The following ZC3H4 variants were observed in gnomAD, a reference collection of about 807,000 sequenced individuals.
ZC3H4 encodes zinc finger CCCH-type containing 4.
In ZC3H4, 13 loss-of-function variants were observed where a neutral mutation model predicts 108.3. The observed-to-expected ratio is 0.12, with a 90% CI of 0.08 to 0.19. ZC3H4 has a LOEUF of 0.19. ZC3H4 is among the 10% of genes least tolerant of loss of function. The pLI, the probability that ZC3H4 is intolerant of heterozygous loss-of-function variation, is 1.00. For synonymous variants in ZC3H4, 917 were observed against 749.6 expected, an observed-to-expected ratio of 1.22 and a Z score of -3.65; for missense variants, 1,734 against 1,838.8, an observed-to-expected ratio of 0.94 and a Z score of 1.04.
intron 2 of ZC3H4, among the ~76,000 whole-genome samples, chr19:47,105,366 CAAG>C (rs1473656378): frequency 6.6e-6 from 1 of 152,148 alleles, no homozygotes; most frequent in Non-Finnish European, 1.5e-5. Context: ...TTTGGGAGGC[CAAG>C]GAGGGTGGAT....
chr19:47,091,515 G>A lies in ZC3H4; in HGVS notation c.493-1326C>T, dbSNP rs113406940. Among the ~76,000 whole-genome samples, 1,422 of 151,668 alleles carry A rather than the reference G, an allele frequency of 9.4e-3. 18 individuals carry two copies. The highest frequency in any genetic ancestry group is 0.033 in the African/African-American group (1,355 of 41,304). The stretch of plus-strand genomic sequence containing the variant: ...CTTGAACCCGGGAGGCAGAGGATGC[G>A]GTGAGGCAAGATTGCGCCACTGCAC... On this transcript the variant is annotated intron_variant, in intron 4 of 14. Coordinates refer to ENST00000253048, the MANE Select transcript of ZC3H4 (RefSeq NM_015168.2).
Position 47,066,383 on chromosome 19 carries a change from G to T in ZC3H4, c.3885C>A (p.Asp1295Glu). 1.3e-6 allele frequency: 2 copies of T among 1,564,580 alleles called. No individual in the cohort carries two copies. Among genetic ancestry groups the T allele is most frequent in the Non-Finnish European group, 1.7e-6 (2 of 1,158,102 alleles). ...ASLKDVFKGF[D>E]PTASPFCQ is the part of the protein sequence containing the mutation. ...ACTGGCAAAAGGGGGAGGCCGTGGG[G>T]TCGAAGCCTTTAAAAACATCCTTCA... The change falls in exon 15 of 15, where the codon GAC becomes GAA. Residue 1295 changes from aspartate to glutamate, a missense_variant. Around this residue, in one of 9 missense-constraint regions of ZC3H4, gnomAD observed 518 missense variants for 499.6 expected, o/e 1.04. Coordinates refer to ENST00000253048, the MANE Select transcript of ZC3H4 (RefSeq NM_015168.2).
chr19:47,069,300 C>T lies in ZC3H4; in HGVS notation c.2190G>A (p.Glu730=). The change falls in exon 14 of 15, where the codon GAG becomes GAA. Residue 730 remains glutamate (E), a synonymous_variant. Coordinates refer to ENST00000253048, the MANE Select transcript of ZC3H4 (RefSeq NM_015168.2). ...CCAGAGGGTGCTCAGGGAAGAGGTG[C>T]TCCCCAGGCTCCCCTGGCAGCTCTT... ...HYEELPGEPG[E]HLFPEHPLEP... is the part of the protein sequence containing the mutation. 1 of 1,613,772 alleles carries T rather than the reference C, an allele frequency of 6.2e-7. No homozygotes were observed. Among genetic ancestry groups the T allele is most frequent in the African/African-American group, 1.3e-5 (1 of 75,030 alleles).
At chr19:47,085,475 C>G in intron 6 of ZC3H4, 61 bp from the exon 7 acceptor site, 1 of 1,376,092 alleles carries the variant, frequency 7.3e-7, no homozygotes, top group South Asian at 1.4e-5. Flanking sequence ...ACACTGTCCC[C>G]ACCTACACAC....
rs556331940 is a variant in ZC3H4, at chr19:47,074,412, C to T, written c.1441-1699G>A. On this transcript the variant is annotated intron_variant, in intron 11 of 14. Transcript: ENST00000253048. ...ACGAGACCTGATACAGGGCAGACGC[C>T]CAGTGAGTGAATGAGAAATGTCAAA... 2.6e-5 allele frequency among the ~76,000 whole-genome samples: 4 copies of T among 152,286 alleles called. No homozygotes were observed. In the South Asian group the frequency reaches 8.3e-4, roughly 32 times the overall value.
intron 11 of ZC3H4, among the ~76,000 whole-genome samples, chr19:47,075,822 G>A (rs985492884): frequency 6.6e-6 from 1 of 152,164 alleles, no homozygotes; most frequent in Non-Finnish European, 1.5e-5. Context: ...CTCAGGCCCT[G>A]AATGGTTGAC....
At chr19:47,083,322 A>AAGAG (rs796657173) in intron 9 of ZC3H4, among the ~76,000 whole-genome samples, 162 of 148,858 alleles carry the variant, frequency 1.1e-3, no homozygotes, top group African/African-American at 3.2e-3. Flanking sequence ...AAAAAAAAAA[A>AAGAG]AGAGAGAGAG....
intron 4 of ZC3H4, among the ~76,000 whole-genome samples, chr19:47,092,753 G>C (rs975656656): frequency 6.6e-6 from 1 of 152,094 alleles, no homozygotes; most frequent in East Asian, 1.9e-4. Flanking sequence ...AGAGGTGGAA[G>C]TTGCAGTGAA....
chr19:47,065,750 G>A lies in ZC3H4; in HGVS notation c.*606C>T, dbSNP rs559555065. On this transcript the variant is annotated 3_prime_UTR_variant, in exon 15 of 15. Coordinates refer to ENST00000253048, the MANE Select transcript of ZC3H4 (RefSeq NM_015168.2). Reference sequence around the variant, plus strand: ...CAGGGACAGGAGCAGGCATGCGCCAGGGAGCCCCCATAGTGCCGCTGGGGG... The same window carrying A: ...CAGGGACAGGAGCAGGCATGCGCCAAGGAGCCCCCATAGTGCCGCTGGGGG... 46 of 152,886 alleles carry A rather than the reference G, an allele frequency of 3.0e-4. 1 individual carries two copies. The East Asian group carries it at 8.8e-3, about 29-fold the overall frequency. 9.5% of individuals were successfully genotyped at this position (152,886 alleles called of 1,614,324 possible). A position where few individuals can be genotyped will look rare whatever the true frequency, so the allele number is the denominator to read the frequency against.
rs1568547637 is a variant in ZC3H4, at chr19:47,084,522, A to G, written c.1108-67T>C. 4.0e-6 allele frequency: 6 copies of G among 1,505,262 alleles called. No homozygotes were observed. The East Asian group carries it at 6.8e-5, about 17-fold the overall frequency. The allele number at this position is 1,505,262 out of a possible 1,614,324, so 93.2% of individuals were successfully genotyped here. ...AAGGGTAGAGATGGGATCGGGGTTA[A>G]TAAGAAGCACGGGAGAAGGGGATGA... is the stretch of plus-strand genomic sequence containing the variant. On this transcript the variant is annotated intron_variant, in intron 8 of 14. Transcript: ENST00000253048.
At chr19:47,093,176 A>G (rs405091) in intron 4 of ZC3H4, among the ~76,000 whole-genome samples, 8 of 143,402 alleles carry the variant, frequency 5.6e-5, no homozygotes, top group African/African-American at 2.1e-4. Flanking sequence ...AGATTGCACC[A>G]CTGTACTCCA....
In ZC3H4 at chr19:47,067,506, G is replaced by A; in HGVS notation, c.2762C>T (p.Pro921Leu). ...CTCCCCTTCCTCCTCCTCCGTTGGG[G>A]GCGGCCCAGACCCCTTGGAACTGCT... ...GPSSSKGSGP[P>L]PTEEEEGERA... Residue 921 changes from proline (P) to leucine (L), a missense_variant, in exon 15 of 15, where the codon CCC (proline) becomes CTC (leucine). This residue lies in a region of ZC3H4 where 540 missense variants were observed against 484.1 expected (regional missense o/e 1.12). Transcript: ENST00000253048. The surrounding 1 kb of genome is among the most constrained non-coding windows in gnomAD (Gnocchi z 6.4). 3.1e-6 allele frequency: 5 copies of A among 1,588,296 alleles called. No homozygotes were observed. Among genetic ancestry groups the A allele is most frequent in the Non-Finnish European group, 4.3e-6 (5 of 1,166,078 alleles).
intron 8 of ZC3H4, 131 bp from the exon 9 acceptor site, chr19:47,084,586 G>A: frequency 1.2e-6 from 1 of 846,126 alleles, no homozygotes; most frequent in Non-Finnish European, 1.9e-6. Flanking sequence ...CGATGGGCAG[G>A]CTGCATCTAA....
rs1217858655 is a variant in ZC3H4 at position 47,067,026 on chromosome 19, C to T, written c.3242G>A (p.Arg1081Gln). Residue 1081 changes from arginine (R) to glutamine (Q), a missense_variant, in exon 15 of 15, where the codon CGG becomes CAG. Arg to Gln is a conservative substitution (Grantham distance 43). Coordinates refer to ENST00000253048, the MANE Select transcript of ZC3H4 (RefSeq NM_015168.2). The surrounding 1 kb of genome is among the most constrained non-coding windows in gnomAD (Gnocchi z 6.4). ...CGTAGAGTCTGTGGGTTTCTGCAGC[C>T]GAGGGTCGGTGGGGGCCTTCCGCAC... ...PRVRKAPTDP[R>Q]LQKPTDSTAS... is the part of the protein sequence containing the mutation. The T allele has an allele frequency of 2.5e-6, 4 of 1,599,648 alleles. No homozygotes were observed. Among genetic ancestry groups the T allele is most frequent in the Non-Finnish European group, 3.4e-6 (4 of 1,172,800 alleles).
At position 47,086,521 on chromosome 19, in the gene ZC3H4, G is replaced by A. The variant is rs764777365; in HGVS notation, c.733C>T (p.Arg245Trp). 57 of 1,593,762 alleles carry A rather than the reference G, an allele frequency of 3.6e-5. No individual in the cohort carries two copies. In the East Asian group the frequency reaches 4.8e-4, roughly 13 times the overall value. ...SRGRGSRGRG[R>W]GYRGRGSRGG... is the part of the protein sequence containing the mutation. Reference sequence around the variant, plus strand: ...CGGCTTCCTCGGCCCCTGTAGCCCCGGCCCCGGCCTCGGCTGCCTGCATGG... The same window carrying A: ...CGGCTTCCTCGGCCCCTGTAGCCCCAGCCCCGGCCTCGGCTGCCTGCATGG... The change falls in exon 6 of 15, where the codon CGG (arginine) becomes TGG (tryptophan). Residue 245 changes from arginine to tryptophan, a missense_variant. Transcript: ENST00000253048.
intron 2 of ZC3H4, among the ~76,000 whole-genome samples, chr19:47,107,715 G>A (rs187281431): frequency 1.2e-4 from 18 of 151,108 alleles, no homozygotes; most frequent in African/African-American, 4.1e-4. Context: ...CCAAGAGGCC[G>A]TATCTTCATT....
chr19:47,112,330 T>TCCG, intron 2 of ZC3H4, 94 bp downstream of exon 2: 1 of 1,159,934 alleles, frequency 8.6e-7, no homozygotes, highest in Non-Finnish European at 1.1e-6. Context: ...CTCCTCCTCC[T>TCCG]CCGCGGCCCG....
In ZC3H4 at chr19:47,067,203, T is replaced by C; in HGVS notation, c.3065A>G (p.Asn1022Ser). ...GGAGGCGCCCGGGCGCTGCCGGGCGTTGGGGGGCCCTGCCGTGGCAGCGCG... is the reference window on the plus strand; with the variant it reads ...GGAGGCGCCCGGGCGCTGCCGGGCGCTGGGGGGCCCTGCCGTGGCAGCGCG... ...LHRAATAGPP[N>S]ARQRPGASTD... Residue 1022 changes from asparagine to serine, a missense_variant, in exon 15 of 15, where the codon AAC (asparagine) becomes AGC (serine). By Grantham distance (46) the Asn-to-Ser change is conservative. Around this residue, in one of 9 missense-constraint regions of ZC3H4, gnomAD observed 518 missense variants for 499.6 expected, o/e 1.04. Coordinates refer to ENST00000253048, the MANE Select transcript of ZC3H4 (RefSeq NM_015168.2). This position sits in a 1 kb window ranked among gnomAD's most constrained non-coding sequence, Gnocchi z 6.4. 3.1e-6 allele frequency: 5 copies of C among 1,609,806 alleles called. No homozygotes were observed. Among genetic ancestry groups the C allele is most frequent in the Non-Finnish European group, 4.2e-6 (5 of 1,178,186 alleles).
At position 47,064,533 on chromosome 19, in the gene ZC3H4, AC is replaced by A. The variant is rs1309441248; in HGVS notation, c.*1822del. ...GAGGGCTCCAGCTTCTATTTCATCC[AC>A]AGATTTCGGTTTAAAAAATATTTTT... On this transcript the variant is annotated 3_prime_UTR_variant, in exon 15 of 15. Transcript: ENST00000253048. 1 of 152,398 alleles carries A rather than the reference AC, an allele frequency of 6.6e-6. No individual in the cohort carries two copies. Among genetic ancestry groups the A allele is most frequent in the Admixed American group, 6.5e-5 (1 of 15,268 alleles). 9.4% of individuals were successfully genotyped at this position (152,398 alleles called of 1,614,324 possible).
Sources: allele counts gnomAD v4.1 joint callset (sites outside exome capture counted in the v4.1 genomes callset), GRCh38; gene constraint gnomAD v4.1.1; regional missense constraint gnomAD v4.1.1; non-coding constraint Gnocchi (gnomAD v3.1); transcripts MANE v1.5; gene names NCBI Gene and HGNC (gene_info 2026-07-23, HGNC 2026-07-21).